Variants in SEMA3E observed in about 807,000 individuals in gnomAD.
SEMA3E encodes semaphorin-3E.
A neutral mutation model predicts 93.6 loss-of-function variants in SEMA3E; 49 were observed. The observed-to-expected ratio is 0.52, with a 90% CI of 0.42 to 0.66. The LOEUF (loss-of-function observed/expected upper bound fraction) is 0.66. Among genes scored for constraint, SEMA3E ranks in the 30% least tolerant of loss-of-function variants. The pLI, the probability that SEMA3E is intolerant of heterozygous loss-of-function variation, is 0.00. For synonymous variants in SEMA3E, 363 were observed against 330.7 expected (o/e 1.10, Z -1.06); for missense variants, 906 against 964.8 (o/e 0.94, Z 0.81).
At chr7:83,489,445 T>TG (rs554086827) in intron 2 of SEMA3E, among the ~76,000 whole-genome samples, 242 of 5,286 alleles carry the variant, frequency 0.046, 2 homozygotes, top group African/African-American at 0.061. Flanking sequence ...CTCATAAACA[T>TG]AAAAATCAAT....
chr7:83,426,309 A>T (rs1788768361), intron 4 of SEMA3E, among the ~76,000 whole-genome samples: 1 of 152,232 alleles, frequency 6.6e-6, no homozygotes, highest in Non-Finnish European at 1.5e-5. Flanking sequence ...ACCATAGCAA[A>T]GACATGGAAT....
At chr7:83,445,801 G>A (rs757805305) in intron 4 of SEMA3E, among the ~76,000 whole-genome samples, 18 of 152,278 alleles carry the variant, frequency 1.2e-4, no homozygotes, top group Non-Finnish European at 2.5e-4. Flanking sequence ...CATCTGAGAA[G>A]GGGAAAGGTA....
chr7:83,531,341 CTTTTTT>C (rs144165250), intron 1 of SEMA3E, among the ~76,000 whole-genome samples: 1 of 68,132 alleles, frequency 1.5e-5, no homozygotes, highest in African/African-American at 5.8e-5. Context: ...TTGGAATATT[CTTTTTT>C]TTTTTTTTTT....
Position 83,385,330 on chromosome 7 carries a change from C to T in SEMA3E, c.1839G>A (p.Trp613Ter). The T allele has an allele frequency of 1.2e-6, 2 of 1,613,420 alleles. No individual in the cohort carries two copies. The highest frequency in any genetic ancestry group is 1.7e-4 in the Middle Eastern group (1 of 6,054). ...TPRSLQAKVI[W>*]FVQKGRETRK... ...TTGTCTCACGTCCTTTCTGTACAAA[C>T]CAGATAACTTTCGCTTGTAAAGATC... Residue 613 changes from tryptophan (W) to a stop codon, truncating the protein, a stop_gained, in exon 16 of 17, where the codon TGG becomes TGA. Coordinates refer to ENST00000643230, the MANE Select transcript of SEMA3E (RefSeq NM_012431.3). LOFTEE classifies it high-confidence loss of function.
intron 1 of SEMA3E, among the ~76,000 whole-genome samples, chr7:83,524,688 A>T (rs1791118073): frequency 6.6e-6 from 1 of 152,060 alleles, no homozygotes; most frequent in African/African-American, 2.4e-5. Flanking sequence ...TAATTCTGAG[A>T]TTTAATGTTC....
intron 1 of SEMA3E, among the ~76,000 whole-genome samples, chr7:83,571,204 C>G (rs1052481079): frequency 6.6e-6 from 1 of 152,136 alleles, no homozygotes. Flanking sequence ...AGCAGGGGCT[C>G]CTCTCTAACT....
Position 83,466,564 on chromosome 7 carries a change from T to A in SEMA3E, c.374A>T (p.Tyr125Phe), listed in dbSNP as rs1224527955. 3 of 1,614,004 alleles carry A rather than the reference T, an allele frequency of 1.9e-6. No individual in the cohort carries two copies. Among genetic ancestry groups the A allele is most frequent in the Non-Finnish European group, 2.5e-6 (3 of 1,180,006 alleles). ...CANYVRVLHH[Y>F]NRTHLLTCGT... The stretch of plus-strand genomic sequence containing the variant: ...ACAGGTCAGAAGGTGTGTCCTGTTA[T>A]AGTGATGCAAAACCCGAACATAATT... Residue 125 changes from tyrosine to phenylalanine, a missense_variant, in exon 4 of 17, where the codon TAT becomes TTT. Physicochemically the swap from Tyr to Phe is conservative, Grantham distance 22 (BLOSUM62 3). Coordinates refer to ENST00000643230, the MANE Select transcript of SEMA3E (RefSeq NM_012431.3).
At chr7:83,587,500 T>G (rs1478899300) in intron 1 of SEMA3E, among the ~76,000 whole-genome samples, 1 of 152,136 alleles carries the variant, frequency 6.6e-6, no homozygotes, top group Non-Finnish European at 1.5e-5. Flanking sequence ...AGTTGTACAT[T>G]TAAAGAGAGA....
intron 1 of SEMA3E, among the ~76,000 whole-genome samples, chr7:83,572,020 G>A (rs952442338): frequency 6.6e-6 from 1 of 152,028 alleles, no homozygotes; most frequent in Non-Finnish European, 1.5e-5. Context: ...TAACTAAGGA[G>A]GTGAAAGATC....
intron 1 of SEMA3E, among the ~76,000 whole-genome samples, chr7:83,528,378 A>G (rs2115714957): frequency 6.6e-6 from 1 of 152,228 alleles, no homozygotes; most frequent in East Asian, 1.9e-4. Context: ...ATTGAATAGG[A>G]GCTTTGTTGG....
At chr7:83,405,176 T>C (rs1788302822) in intron 9 of SEMA3E, among the ~76,000 whole-genome samples, 1 of 151,988 alleles carries the variant, frequency 6.6e-6, no homozygotes, top group South Asian at 2.1e-4. Flanking sequence ...AATCACTGTG[T>C]TCTAGATTAC....
intron 7 of SEMA3E, among the ~76,000 whole-genome samples, chr7:83,406,555 T>C (rs944503835): frequency 7.3e-6 from 1 of 136,212 alleles, no homozygotes; most frequent in Admixed American, 8.1e-5. Flanking sequence ...CACACATATT[T>C]ATATGTAAAT....
At chr7:83,613,728 T>C (rs3801572) in intron 1 of SEMA3E, among the ~76,000 whole-genome samples, 41,342 of 151,920 alleles carry the variant, frequency 0.27, 6,139 homozygotes, top group African/African-American at 0.37. Flanking sequence ...TTGGGGATGA[T>C]ACAAACACAT....
chr7:83,624,484 G>A (rs78295194), intron 1 of SEMA3E, among the ~76,000 whole-genome samples: 48,052 of 152,058 alleles, frequency 0.32, 9,038 homozygotes, highest in African/African-American at 0.52. Flanking sequence ...GTGATGATAA[G>A]CTTTTTTCCT....
chr7:83,440,922 A>G (rs1049411468), intron 4 of SEMA3E, among the ~76,000 whole-genome samples: 6 of 152,160 alleles, frequency 3.9e-5, no homozygotes, highest in African/African-American at 1.2e-4. Flanking sequence ...AGAGACTGAG[A>G]AGTTATATTA....
chr7:83,554,834 T>G (rs1359538240), intron 1 of SEMA3E, among the ~76,000 whole-genome samples: 3 of 151,808 alleles, frequency 2.0e-5, no homozygotes, highest in Non-Finnish European at 4.4e-5. Context: ...AAAATTAGCC[T>G]GGCGTGGTGG....
intron 1 of SEMA3E, among the ~76,000 whole-genome samples, chr7:83,551,751 C>G (rs1345628063): frequency 2.6e-5 from 4 of 152,110 alleles, no homozygotes; most frequent in Admixed American, 6.6e-5. Context: ...CTTTCCCAGG[C>G]TCAACACTAT....
At position 83,548,168 on chromosome 7, in the gene SEMA3E, A is replaced by G. The variant is rs1190981694; in HGVS notation, c.116-57894T>C. Reference sequence around the variant, plus strand: ...CTTTCCTTTCTCCATTTTCACATCTATGTTTAAGAGATTTTAGAGAAACAG... The same window carrying G: ...CTTTCCTTTCTCCATTTTCACATCTGTGTTTAAGAGATTTTAGAGAAACAG... On this transcript the variant is annotated intron_variant, in intron 1 of 16. Coordinates refer to ENST00000643230, the MANE Select transcript of SEMA3E (RefSeq NM_012431.3). Among the ~76,000 whole-genome samples, 5 of 151,976 alleles carry G rather than the reference A, an allele frequency of 3.3e-5. No individual in the cohort carries two copies. In the East Asian group the frequency reaches 5.8e-4, roughly 18 times the overall value.
intron 1 of SEMA3E, among the ~76,000 whole-genome samples, chr7:83,625,891 G>A (rs757949340): frequency 9.9e-5 from 15 of 151,892 alleles, no homozygotes; most frequent in African/African-American, 2.2e-4. Flanking sequence ...TCAATACCTC[G>A]TCTATTGAGT....
Sources: gnomAD v4.1 joint callset for allele counts (sites outside exome capture counted in the v4.1 genomes callset) on GRCh38, gnomAD v4.1.1 for gene constraint, MANE v1.5 for transcripts, NCBI Gene and HGNC (gene_info 2026-07-23, HGNC 2026-07-21) for gene names.